The following CIB2 variants were observed in gnomAD, a reference collection of about 807,000 sequenced individuals.
CIB2 encodes calcium and integrin binding family member 2.
A neutral mutation model predicts 23.1 loss-of-function variants in CIB2; 19 were observed. The observed-to-expected ratio is 0.82, with a 90% CI of 0.57 to 1.21. CIB2 has a LOEUF of 1.21. Among genes scored for constraint, CIB2 ranks in the 50% most tolerant of loss-of-function variants. CIB2 has a pLI of 0.00. For missense variants in CIB2, 220 were observed against 241.5 expected, an observed-to-expected ratio of 0.91 and a Z score of 0.59; for synonymous variants, 94 against 91.7, an observed-to-expected ratio of 1.03 and a Z score of -0.14.
intron 2 of CIB2, among the ~76,000 whole-genome samples, chr15:78,112,159 C>T (rs2074169829): frequency 6.6e-6 from 1 of 152,218 alleles, no homozygotes; most frequent in Non-Finnish European, 1.5e-5. Flanking sequence ...AAGCTCCCTT[C>T]CTCCCCGCCC....
chr15:78,121,981 T>G (rs538330787), intron 2 of CIB2, among the ~76,000 whole-genome samples: 5 of 152,276 alleles, frequency 3.3e-5, no homozygotes, highest in African/African-American at 1.2e-4. Context: ...TCACCTCTGC[T>G]GCTCCCCAGC....
At chr15:78,118,602 A>C (rs1037275155) in intron 2 of CIB2, among the ~76,000 whole-genome samples, 1 of 151,986 alleles carries the variant, frequency 6.6e-6, no homozygotes, top group African/African-American at 2.4e-5. Flanking sequence ...AAAAAAAAAA[A>C]AAAAATTGTG....
chr15:78,120,647 A>G (rs564462459), intron 2 of CIB2: 1 of 983,580 alleles, frequency 1.0e-6, no homozygotes, highest in Non-Finnish European at 1.2e-6. Context: ...TGTCCTGGGG[A>G]GCAATCGGAT....
chr15:78,105,574 A>C lies in CIB2; in HGVS notation c.542+165T>G. 4.0e-6 allele frequency: 6 copies of C among 1,494,404 alleles called. No individual in the cohort carries two copies. The South Asian group carries it at 7.9e-5, about 20-fold the overall frequency. 92.6% of individuals were successfully genotyped at this position (1,494,404 alleles called of 1,614,324 possible). On this transcript the variant is annotated intron_variant, in intron 5 of 5. Transcript: ENST00000258930. ...GTCTTCAACCTTCCCCCTGCAGGGG[A>C]CAAAGGCCAGTCACACGTCTAGGGC...
chr15:78,120,848 G>T, intron 2 of CIB2: 1 of 482,708 alleles, frequency 2.1e-6, no homozygotes, highest in Non-Finnish European at 2.7e-6. Flanking sequence ...CCTGGTGGGG[G>T]TGGGGAGTAG....
At chr15:78,120,653 C>T (rs999602276) in intron 2 of CIB2, 11 of 978,598 alleles carry the variant, frequency 1.1e-5, no homozygotes, top group Admixed American at 6.3e-5. Flanking sequence ...GGGGAGCAAT[C>T]GGATCTACCT....
chr15:78,111,878 C>G (rs967867482), intron 2 of CIB2, among the ~76,000 whole-genome samples: 24 of 152,346 alleles, frequency 1.6e-4, no homozygotes, highest in African/African-American at 5.5e-4. Context: ...GTGGCCCCAC[C>G]ACCCCAACTT....
At chr15:78,119,752 C>T (rs2074293102) in intron 2 of CIB2, among the ~76,000 whole-genome samples, 1 of 151,422 alleles carries the variant, frequency 6.6e-6, no homozygotes, top group East Asian at 1.9e-4. Flanking sequence ...TTTGTATTTT[C>T]AGTAGAGTTG....
At chr15:78,107,681 C>T (rs2074091829) in intron 4 of CIB2, among the ~76,000 whole-genome samples, 2 of 152,206 alleles carry the variant, frequency 1.3e-5, no homozygotes, top group African/African-American at 4.8e-5. Context: ...GGGCAGACAG[C>T]AGCCCGTCCC....
chr15:78,108,984 C>T (rs1317494342), intron 4 of CIB2, among the ~76,000 whole-genome samples: 2 of 152,202 alleles, frequency 1.3e-5, no homozygotes, highest in African/African-American at 4.8e-5. Context: ...TGCCTGGGAC[C>T]CCTCTCACAC....
chr15:78,109,204 T>A, intron 4 of CIB2, 31 bp downstream of exon 4: 5 of 781,100 alleles, frequency 6.4e-6, no homozygotes, highest in East Asian at 4.6e-5. Flanking sequence ...CCCCACCGCA[T>A]ATTCAGGCCC....
intron 2 of CIB2, among the ~76,000 whole-genome samples, chr15:78,117,246 CAAAAAAAAAAAAAA>C (rs60332437): frequency 2.0e-4 from 11 of 55,478 alleles, no homozygotes; most frequent in African/African-American, 4.5e-4. Context: ...AAGCTACTGG[CAAAAAAAAAAAAAA>C]AAAAAAAAAA....
intron 2 of CIB2, chr15:78,120,618 T>C (rs1046166506): frequency 3.1e-6 from 3 of 983,318 alleles, no homozygotes; most frequent in Non-Finnish European, 3.6e-6. Context: ...TCGGCCTCAA[T>C]GTGGGAATGC....
In CIB2 at chr15:78,117,246, CAA is replaced by C. The variant is rs60332437; in HGVS notation, c.87-5972_87-5971del. Among the ~76,000 whole-genome samples the C allele has an allele frequency of 3.6e-3, 200 of 55,402 alleles. 1 individual carries two copies. The highest frequency in any genetic ancestry group is 0.016 in the African/African-American group (173 of 11,148). The allele number at this position is 55,402 out of a possible 152,430, so 36.3% of individuals were successfully genotyped here. ...GTTAAGTGTTTCTTCAAGCTACTGG[CAA>C]AAAAAAAAAAAAAAAAAAAAAAAAA... On this transcript the variant is annotated intron_variant, in intron 2 of 5. Transcript: ENST00000258930.
chr15:78,126,576 C>A (rs2074384256), intron 1 of CIB2, among the ~76,000 whole-genome samples: 1 of 152,198 alleles, frequency 6.6e-6, no homozygotes, highest in East Asian at 1.9e-4. Context: ...TGTACACCAG[C>A]CACTCCATGT....
In CIB2 at chr15:78,117,795, C is replaced by T. The variant is rs182201188; in HGVS notation, c.86+5910G>A. On this transcript the variant is annotated intron_variant, in intron 2 of 5. Coordinates refer to ENST00000258930, the MANE Select transcript of CIB2 (RefSeq NM_006383.4). ...TTATTTACAGTGCATGCTGGCCCCC[C>T]TGACAGGCAGCTGAGCTTCAGACTC... Among the ~76,000 whole-genome samples, 5 of 152,338 alleles carry T rather than the reference C, an allele frequency of 3.3e-5. 1 individual carries two copies. The highest frequency in any genetic ancestry group is 6.8e-3 in the Middle Eastern group (2 of 294).
chr15:78,109,434 C>A (rs771832417), intron 3 of CIB2, 52 bp from the exon 4 acceptor site: 4 of 1,608,878 alleles, frequency 2.5e-6, no homozygotes, highest in East Asian at 2.2e-5. Flanking sequence ...AGCAGGAGGG[C>A]CCCGGAGCCA....
rs750802227 is a variant in CIB2 at position 78,105,267 on chromosome 15, G to T, written c.*44C>A. 1 of 1,613,154 alleles carries T rather than the reference G, an allele frequency of 6.2e-7. No homozygotes were observed. Among genetic ancestry groups the T allele is most frequent in the South Asian group, 1.1e-5 (1 of 90,910 alleles). On this transcript the variant is annotated 3_prime_UTR_variant, in exon 6 of 6. Coordinates refer to ENST00000258930, the MANE Select transcript of CIB2 (RefSeq NM_006383.4). Reference sequence around the variant, plus strand: ...GAGGCCACACCCATGTGACTGCAGGGCAGGATGGTGGACTTCTAGGCCCCT... The same window carrying T: ...GAGGCCACACCCATGTGACTGCAGGTCAGGATGGTGGACTTCTAGGCCCCT...
chr15:78,110,518 C>T (rs544048590), intron 3 of CIB2: 12 of 391,130 alleles, frequency 3.1e-5, no homozygotes, highest in Non-Finnish European at 4.6e-5. Context: ...GGGCTACTGA[C>T]GAAGTCCCAC....
Sources: allele counts gnomAD v4.1 joint callset (sites outside exome capture counted in the v4.1 genomes callset), GRCh38; gene constraint gnomAD v4.1.1; transcripts MANE v1.5; gene names NCBI Gene and HGNC (gene_info 2026-07-23, HGNC 2026-07-21).